The following ASTN1 variants were observed in gnomAD, a reference collection of about 807,000 sequenced individuals.
ASTN1 encodes astrotactin 1.
ASTN1 carries 41 observed loss-of-function variants against 140.7 expected under a neutral mutation model. That is an observed-to-expected ratio of 0.29 (90% confidence interval 0.23 to 0.38). The LOEUF (loss-of-function observed/expected upper bound fraction) is 0.38. ASTN1 is among the 10% of genes least tolerant of loss of function. The pLI is 1.00. For missense variants in ASTN1, 1,479 were observed against 1,678.8 expected, an observed-to-expected ratio of 0.88 and a Z score of 2.08; for synonymous variants, 640 against 652.2, an observed-to-expected ratio of 0.98 and a Z score of 0.29.
chr1:176,955,751 C>A (rs773490866), intron 11 of ASTN1, among the ~76,000 whole-genome samples: 8 of 152,162 alleles, frequency 5.3e-5, no homozygotes, highest in African/African-American at 7.2e-5. Context: ...GACAGGCAGA[C>A]CCTGAGGGGC....
chr1:176,883,028 G>A (rs181253422), intron 19 of ASTN1, 34 bp from the exon 20 acceptor site: 2 of 1,612,846 alleles, frequency 1.2e-6, no homozygotes, highest in South Asian at 1.1e-5. Context: ...AAAAGCATGA[G>A]AAACAATGAC....
chr1:176,953,607 G>C (rs973166934), intron 11 of ASTN1, among the ~76,000 whole-genome samples: 1 of 152,176 alleles, frequency 6.6e-6, no homozygotes, highest in African/African-American at 2.4e-5. Context: ...TCTGCTTACT[G>C]TCCTACAGAG....
intron 10 of ASTN1, among the ~76,000 whole-genome samples, chr1:176,958,063 C>A (rs1023634782): frequency 1.3e-5 from 2 of 152,182 alleles, no homozygotes; most frequent in Non-Finnish European, 2.9e-5. Flanking sequence ...TAAACTCAGG[C>A]AAGGAAATTA....
At chr1:177,072,937 G>GTT (rs1678715156) in intron 1 of ASTN1, among the ~76,000 whole-genome samples, 1 of 151,818 alleles carries the variant, frequency 6.6e-6, no homozygotes, top group Non-Finnish European at 1.5e-5. Flanking sequence ...TGTTAGTTGC[G>GTT]TTTTGCAAAA....
In ASTN1 at chr1:177,085,609, C is replaced by T. The variant is rs573957617; in HGVS notation, c.284-24344G>A. On this transcript the variant is annotated intron_variant, in intron 1 of 22. Transcript: ENST00000361833. ...AGGTTCCTTGATGATCTGAGTGAAC[C>T]TCAGATCTCTCACTTGGCAAAATGC... 5.3e-5 allele frequency among the ~76,000 whole-genome samples: 8 copies of T among 152,260 alleles called. No homozygotes were observed. The South Asian group carries it at 1.0e-3, about 20-fold the overall frequency.
At position 176,861,632 on chromosome 1, in the gene ASTN1, C is replaced by T. The variant is rs1213308455; in HGVS notation, c.*2652G>A. On this transcript the variant is annotated 3_prime_UTR_variant, in exon 23 of 23. Coordinates refer to ENST00000361833, the MANE Select transcript of ASTN1 (RefSeq NM_004319.3). ...GCCCTGTTCATATCAGCCTTTTTAA[C>T]TTGAATGTAAGTAGGAGCCAGTCAT... is the stretch of plus-strand genomic sequence containing the variant. 2 of 985,302 alleles carry T rather than the reference C, an allele frequency of 2.0e-6. No homozygotes were observed. Among genetic ancestry groups the T allele is most frequent in the East Asian group, 1.1e-4 (1 of 8,820 alleles). The allele number at this position is 985,302 out of a possible 1,614,324, so 61.0% of individuals were successfully genotyped here. A position where few individuals can be genotyped will look rare whatever the true frequency, so the allele number is the denominator to read the frequency against.
chr1:177,013,426 G>C (rs1675390660), intron 8 of ASTN1, among the ~76,000 whole-genome samples: 1 of 152,180 alleles, frequency 6.6e-6, no homozygotes, highest in African/African-American at 2.4e-5. Flanking sequence ...AGCTGGCTAA[G>C]TTCTCAGAGT....
intron 2 of ASTN1, among the ~76,000 whole-genome samples, chr1:177,056,028 A>T (rs1477438991): frequency 6.6e-6 from 1 of 152,140 alleles, no homozygotes; most frequent in African/African-American, 2.4e-5. Flanking sequence ...CTAGGTATGA[A>T]ATGAGGCACG....
intron 11 of ASTN1, among the ~76,000 whole-genome samples, chr1:176,956,983 G>A (rs956213350): frequency 3.0e-4 from 46 of 152,084 alleles, no homozygotes; most frequent in African/African-American, 1.1e-3. Flanking sequence ...TTGCAGCCTT[G>A]AACTCCTGGG....
intron 16 of ASTN1, among the ~76,000 whole-genome samples, chr1:176,932,132 T>C (rs574122606): frequency 9.8e-5 from 15 of 152,326 alleles, no homozygotes; most frequent in Admixed American, 5.9e-4. Flanking sequence ...ATACGTAATT[T>C]TAGGTATCTA....
chr1:177,139,544 G>A (rs745358184), intron 1 of ASTN1, among the ~76,000 whole-genome samples: 29 of 152,322 alleles, frequency 1.9e-4, no homozygotes, highest in Non-Finnish European at 4.1e-4. Flanking sequence ...AGGCAGCCTT[G>A]TTAGAGCACA....
intron 1 of ASTN1, among the ~76,000 whole-genome samples, chr1:177,082,051 G>A (rs984934994): frequency 6.6e-6 from 1 of 152,186 alleles, no homozygotes; most frequent in Non-Finnish European, 1.5e-5. Flanking sequence ...TGAGGGAGCA[G>A]AGGTCTGGAT....
intron 10 of ASTN1, 115 bp downstream of exon 10, chr1:176,958,230 C>T: frequency 1.3e-6 from 2 of 1,526,170 alleles, no homozygotes; most frequent in East Asian, 2.3e-5. Context: ...AGGCTGCCTG[C>T]CAATTTTTCC....
chr1:176,947,672 G>A (rs1166240753), intron 12 of ASTN1, among the ~76,000 whole-genome samples: 2 of 152,152 alleles, frequency 1.3e-5, no homozygotes, highest in Non-Finnish European at 2.9e-5. Flanking sequence ...ATAGCACAGT[G>A]TTTCTAGGAA....
At chr1:176,926,313 A>G (rs1332317954) in intron 16 of ASTN1, among the ~76,000 whole-genome samples, 1 of 149,052 alleles carries the variant, frequency 6.7e-6, no homozygotes, top group Non-Finnish European at 1.5e-5. Flanking sequence ...AAAGGTAGCT[A>G]TTTGGTAGTA....
At chr1:177,033,223 G>A (rs1676539990) in intron 2 of ASTN1, among the ~76,000 whole-genome samples, 1 of 151,116 alleles carries the variant, frequency 6.6e-6, no homozygotes, top group East Asian at 2.0e-4. Flanking sequence ...CACACATAAC[G>A]CTGGTTTCAG....
chr1:177,107,232 G>A (rs1680590773), intron 1 of ASTN1, among the ~76,000 whole-genome samples: 2 of 152,172 alleles, frequency 1.3e-5, no homozygotes, highest in Non-Finnish European at 2.9e-5. Flanking sequence ...ACAGGTGCTG[G>A]TAGAGGGTTC....
At chr1:177,133,168 C>T (rs1033797559) in intron 1 of ASTN1, among the ~76,000 whole-genome samples, 4 of 152,156 alleles carry the variant, frequency 2.6e-5, no homozygotes, top group South Asian at 2.1e-4. Flanking sequence ...TAAGCATTGA[C>T]CTAAATAATA....
At chr1:176,987,206 G>A (rs1673946684) in intron 8 of ASTN1, among the ~76,000 whole-genome samples, 1 of 152,096 alleles carries the variant, frequency 6.6e-6, no homozygotes, top group South Asian at 2.1e-4. Context: ...ATACTTTTTT[G>A]GTAAGTGGCC....
Sources: gnomAD v4.1 joint callset for allele counts (sites outside exome capture counted in the v4.1 genomes callset) on GRCh38, gnomAD v4.1.1 for gene constraint, MANE v1.5 for transcripts, NCBI Gene and HGNC (gene_info 2026-07-23, HGNC 2026-07-21) for gene names.